The following HFM1 variants were observed in gnomAD, a reference collection of about 807,000 sequenced individuals.
HFM1 encodes helicase for meiosis 1.
Under a neutral mutation model 192.1 loss-of-function variants are expected in HFM1, and 169 were observed. The observed-to-expected ratio is 0.88, with a 90% CI of 0.78 to 1.00. The LOEUF is 1.00. Among genes scored for constraint, HFM1 ranks in the 50% least tolerant of loss-of-function variants. The probability of loss-of-function intolerance (pLI) is 0.00; values close to 1 mark genes in which losing one functional copy is unlikely to be tolerated. For missense variants in HFM1, 1,661 were observed against 1,668.0 expected (o/e 1.00, Z 0.07); for synonymous variants, 525 against 537.8 (o/e 0.98, Z 0.33).
chr1:91,346,735 C>G (rs1395990284), intron 19 of HFM1, among the ~76,000 whole-genome samples: 1 of 152,014 alleles, frequency 6.6e-6, no homozygotes, highest in African/African-American at 2.4e-5. Flanking sequence ...AATAACAAAG[C>G]TGAGGTTGGA....
chr1:91,269,236 ATATAGTATTTCTACCATATGG>A (rs1666052498), intron 34 of HFM1, among the ~76,000 whole-genome samples: 1 of 152,094 alleles, frequency 6.6e-6, no homozygotes, highest in African/African-American at 2.4e-5. Flanking sequence ...GAACCCTATA[ATATAGTATTTCTACCATATGG>A]ATAAATAATC....
intron 13 of HFM1, among the ~76,000 whole-genome samples, chr1:91,370,963 C>T (rs373569741): frequency 6.6e-6 from 1 of 151,774 alleles, no homozygotes; most frequent in African/African-American, 2.4e-5. Context: ...AAACAGAGAG[C>T]CAAATCATGA....
chr1:91,364,896 G>T (rs1186457064), intron 13 of HFM1, among the ~76,000 whole-genome samples: 2 of 151,602 alleles, frequency 1.3e-5, no homozygotes, highest in Admixed American at 1.3e-4. Context: ...GCCTCCCAAA[G>T]TGCTGGGACT....
At chr1:91,308,286 C>T (rs1050166315) in intron 30 of HFM1, among the ~76,000 whole-genome samples, 16 of 151,978 alleles carry the variant, frequency 1.1e-4, no homozygotes, top group African/African-American at 3.9e-4. Flanking sequence ...ATTCTCTTAT[C>T]TCTGGGCTTC....
At chr1:91,309,218 C>A (rs1437942556) in intron 30 of HFM1, among the ~76,000 whole-genome samples, 1 of 152,190 alleles carries the variant, frequency 6.6e-6, no homozygotes, top group Non-Finnish European at 1.5e-5. Flanking sequence ...TCAAATTCCC[C>A]AGTGTCTGTT....
chr1:91,261,393 T>C, intron 38 of HFM1, 34 bp from the exon 39 acceptor site: 1 of 976,154 alleles, frequency 1.0e-6, no homozygotes, highest in Non-Finnish European at 1.4e-6. Context: ...AAATAACTAT[T>C]TTTTAACACA....
At chr1:91,294,833 A>T (rs1244603946) in intron 30 of HFM1, among the ~76,000 whole-genome samples, 1 of 152,206 alleles carries the variant, frequency 6.6e-6, no homozygotes, top group Non-Finnish European at 1.5e-5. Flanking sequence ...TTTGGTGAAC[A>T]TATATGCACA....
At chr1:91,279,449 T>C (rs558020552) in intron 30 of HFM1, among the ~76,000 whole-genome samples, 22 of 152,162 alleles carry the variant, frequency 1.4e-4, no homozygotes, top group Non-Finnish European at 2.9e-4. Flanking sequence ...ATTCTACACA[T>C]TGTTGCTTAT....
intron 20 of HFM1, among the ~76,000 whole-genome samples, chr1:91,339,330 C>G (rs909516923): frequency 6.6e-6 from 1 of 151,934 alleles, no homozygotes; most frequent in African/African-American, 2.4e-5. Context: ...AATTCAGAAT[C>G]TGGATGGCAA....
intron 2 of HFM1, among the ~76,000 whole-genome samples, chr1:91,400,225 A>T (rs780305446): frequency 5.3e-5 from 8 of 152,230 alleles, no homozygotes; most frequent in Non-Finnish European, 8.8e-5. Flanking sequence ...CATAAAAGCC[A>T]GTATTTAACA....
At position 91,262,339 on chromosome 1, in the gene HFM1, T is replaced by C. The variant is rs746150403; in HGVS notation, c.4140A>G (p.Gln1380=). ...GGTTTTTTTCAGAGAAAGTAAAGCA[T>C]TGCTTCTCAATCTCTGGTGACAGAT... The part of the protein sequence containing the change: ...PQNLSPEIEK[Q]CFTFSEKNPN... The change falls in exon 38 of 39, where the codon CAA becomes CAG. Residue 1380 remains glutamine, a synonymous_variant. Transcript: ENST00000370425. 14 of 1,570,936 alleles carry C rather than the reference T, an allele frequency of 8.9e-6. No homozygotes were observed. Among genetic ancestry groups the C allele is most frequent in the Middle Eastern group, 1.7e-4 (1 of 5,940 alleles).
intron 30 of HFM1, among the ~76,000 whole-genome samples, chr1:91,312,690 AG>A (rs1463648861): frequency 2.0e-5 from 3 of 152,120 alleles, no homozygotes; most frequent in Non-Finnish European, 4.4e-5. Flanking sequence ...AAATGAGTTA[AG>A]GCTTTGGGGG....
intron 2 of HFM1, among the ~76,000 whole-genome samples, chr1:91,398,097 C>G (rs1244915238): frequency 6.6e-6 from 1 of 152,212 alleles, no homozygotes; most frequent in Non-Finnish European, 1.5e-5. Context: ...TTCTCAGACT[C>G]TAGCCAAAGC....
intron 21 of HFM1, 114 bp from the exon 22 acceptor site, chr1:91,323,313 T>C: frequency 1.5e-6 from 1 of 663,822 alleles, no homozygotes; most frequent in South Asian, 1.9e-5. Context: ...GTTTTATCAA[T>C]GAACATAACA....
chr1:91,391,325 G>A, intron 4 of HFM1, among the ~76,000 whole-genome samples: 1 of 152,206 alleles, frequency 6.6e-6, no homozygotes, highest in African/African-American at 2.4e-5. Flanking sequence ...CAAAGCTGGA[G>A]GCATCACGCT....
chr1:91,320,622 T>C (rs1651951656), intron 23 of HFM1, among the ~76,000 whole-genome samples: 1 of 152,208 alleles, frequency 6.6e-6, no homozygotes. Flanking sequence ...TTCAACATCA[T>C]ACTTCCCTGT....
At chr1:91,273,838 A>G (rs1171810047) in intron 33 of HFM1, 23 bp from the exon 34 acceptor site, 9 of 1,251,554 alleles carry the variant, frequency 7.2e-6, no homozygotes, top group Non-Finnish European at 9.2e-6. Flanking sequence ...AAAACCATGA[A>G]AATGTTAAAG....
chr1:91,331,739 T>C (rs1653853191), intron 20 of HFM1, among the ~76,000 whole-genome samples: 1 of 151,858 alleles, frequency 6.6e-6, no homozygotes, highest in Admixed American at 6.6e-5. Context: ...CTAGTAAAAA[T>C]ACAAAAATTA....
chr1:91,284,296 T>G (rs111614199), intron 30 of HFM1, among the ~76,000 whole-genome samples: 2 of 151,712 alleles, frequency 1.3e-5, no homozygotes, highest in Admixed American at 6.6e-5. Flanking sequence ...CAGGCTGGAG[T>G]GCAGTGGTGC....
Sources: gnomAD v4.1 joint callset for allele counts (sites outside exome capture counted in the v4.1 genomes callset) on GRCh38, gnomAD v4.1.1 for gene constraint, MANE v1.5 for transcripts, NCBI Gene and HGNC (gene_info 2026-07-23, HGNC 2026-07-21) for gene names.